BPTF: variants seen among roughly 807,000 people sequenced by gnomAD.
BPTF encodes nucleosome-remodeling factor subunit BPTF.
BPTF carries 18 observed loss-of-function variants against 292.5 expected under a neutral mutation model. The observed-to-expected ratio is 0.06, with a 90% confidence interval of 0.04 to 0.09. BPTF has a LOEUF of 0.09. BPTF is among the 10% of genes least tolerant of loss of function. The pLI is 1.00. For missense variants in BPTF, 2,726 were observed against 3,498.7 expected (o/e 0.78, Z 5.57); for synonymous variants, 1,225 against 1,251.9 (o/e 0.98, Z 0.45).
In BPTF at chr17:67,919,644, T is replaced by C. The variant is rs188757974; in HGVS notation, c.5429-371T>C. ...TTCAGATTATAAAGTGAGTCACTTATGTGTGAACCAGTCTACATTTTTTAA... is the reference window on the plus strand; with the variant it reads ...TTCAGATTATAAAGTGAGTCACTTACGTGTGAACCAGTCTACATTTTTTAA... On this transcript the variant is annotated intron_variant, in intron 12 of 27. Coordinates refer to ENST00000306378, the MANE Select transcript of BPTF (RefSeq NM_182641.4). 1.4e-3 allele frequency among the ~76,000 whole-genome samples: 218 copies of C among 152,340 alleles called. 1 individual carries two copies. The highest frequency in any genetic ancestry group is 2.0e-3 in the Non-Finnish European group (136 of 68,024).
rs2061136160 is a variant in BPTF, at chr17:67,891,825, TGGCCTATTCATTTGAC to T, written c.1865-18_1865-3del. ...TTACTTATTGTCAGCAATTGCTTTGTGGCCTATTCATTTGACAGTAGGTGATTTCAAATCGGAGAAG... is the reference window on the plus strand; with the variant it reads ...TTACTTATTGTCAGCAATTGCTTTGTAGTAGGTGATTTCAAATCGGAGAAG... On this transcript the variant is annotated splice_region_variant and splice_polypyrimidine_tract_variant and intron_variant, in intron 4 of 27. Coordinates refer to ENST00000306378, the MANE Select transcript of BPTF (RefSeq NM_182641.4). 2 of 1,542,896 alleles carry T rather than the reference TGGCCTATTCATTTGAC, an allele frequency of 1.3e-6. No individual in the cohort carries two copies.
In BPTF at chr17:67,826,303, C is replaced by T; in HGVS notation, c.579C>T (p.Ser193=). 1.2e-6 allele frequency: 2 copies of T among 1,612,546 alleles called. No homozygotes were observed. The highest frequency in any genetic ancestry group is 1.3e-5 in the African/African-American group (1 of 74,954). Residue 193 remains serine, a synonymous_variant, in exon 1 of 28, where the codon AGC becomes AGT. Transcript: ENST00000306378. ...ACGCCAGTTACTGCACGGAAAGCAG[C>T]TTCAGGAGCCATAGTACCTACAGCA... ...DDDASYCTES[S]FRSHSTYSST...
intron 2 of BPTF, among the ~76,000 whole-genome samples, chr17:67,864,432 G>T (rs2059271637): frequency 6.6e-6 from 1 of 150,860 alleles, no homozygotes; most frequent in Non-Finnish European, 1.5e-5. Context: ...AGAGGCTGAG[G>T]CATGAGAAGT....
intron 1 of BPTF, among the ~76,000 whole-genome samples, chr17:67,848,527 G>A (rs1467479287): frequency 6.6e-6 from 1 of 152,056 alleles, no homozygotes; most frequent in African/African-American, 2.4e-5. Flanking sequence ...AAACTGTCTA[G>A]GGTTTCTCAG....
At chr17:67,896,014 A>G (rs1378470240) in intron 7 of BPTF, among the ~76,000 whole-genome samples, 6 of 144,092 alleles carry the variant, frequency 4.2e-5, no homozygotes, top group Admixed American at 7.3e-5. Flanking sequence ...CCCAGGCTGG[A>G]GTGCAGTGGC....
chr17:67,875,599 T>C (rs2060003554), intron 4 of BPTF: 2 of 1,584,508 alleles, frequency 1.3e-6, no homozygotes, highest in African/African-American at 1.4e-5. Context: ...TGTCAGCAAA[T>C]CTTGGCGACA....
chr17:67,934,490 G>T (rs527616947), intron 18 of BPTF, among the ~76,000 whole-genome samples: 1 of 151,274 alleles, frequency 6.6e-6, no homozygotes, highest in Admixed American at 6.6e-5. Flanking sequence ...CTGCACTGCA[G>T]CCTGGGCAAC....
chr17:67,941,100 A>C (rs1409671509), intron 19 of BPTF, among the ~76,000 whole-genome samples: 1 of 152,278 alleles, frequency 6.6e-6, no homozygotes, highest in African/African-American at 2.4e-5. Flanking sequence ...AGTATTAAGA[A>C]TATCTGTACC....
In BPTF at chr17:67,939,002, A is replaced by ATATCAAGG. The variant is rs1207524378; in HGVS notation, c.6260-1435_6260-1428dup. On this transcript the variant is annotated intron_variant, in intron 18 of 27. Coordinates refer to ENST00000306378, the MANE Select transcript of BPTF (RefSeq NM_182641.4). ...GCCTGAATATTTTACTTTACTGGTGATATCAAGGTTTGGCAGGGTTCAGTG... is the reference window on the plus strand; with the variant it reads ...GCCTGAATATTTTACTTTACTGGTGATATCAAGGTATCAAGGTTTGGCAGGGTTCAGTG... Among the ~76,000 whole-genome samples, 19 of 152,304 alleles carry ATATCAAGG rather than the reference A, an allele frequency of 1.2e-4. No homozygotes were observed. The Middle Eastern group carries it at 0.01, about 82-fold the overall frequency.
chr17:67,943,332 T>A (rs1432266596), intron 19 of BPTF, among the ~76,000 whole-genome samples: 7 of 152,214 alleles, frequency 4.6e-5, no homozygotes, highest in Admixed American at 2.0e-4. Flanking sequence ...ACATGGACTT[T>A]GCGCCATCAG....
rs1354135348 is a variant in BPTF, at chr17:67,946,431, T to C, written c.7617+106T>C. ...AGGTTTCCTAAATGAGACAAAGTCA[T>C]TAATGTTTAAATTTAGAAGAAACAC... is the stretch of plus-strand genomic sequence containing the variant. On this transcript the variant is annotated intron_variant, in intron 21 of 27. Coordinates refer to ENST00000306378, the MANE Select transcript of BPTF (RefSeq NM_182641.4). The C allele has an allele frequency of 5.5e-6, 8 of 1,466,936 alleles. No homozygotes were observed. In the Admixed American group the frequency reaches 1.2e-4, roughly 22 times the overall value. The allele number at this position is 1,466,936 out of a possible 1,614,324, so 90.9% of individuals were successfully genotyped here. A position where few individuals can be genotyped will look rare whatever the true frequency, so the allele number is the denominator to read the frequency against.
chr17:67,965,971 G>C (rs1482586246), intron 25 of BPTF: 1 of 152,358 alleles, frequency 6.6e-6, no homozygotes, highest in Non-Finnish European at 1.5e-5. Context: ...TGAGGTGAGA[G>C]GATCACTTGA....
At chr17:67,915,094 G>T (rs2062894870) in intron 11 of BPTF, among the ~76,000 whole-genome samples, 1 of 152,142 alleles carries the variant, frequency 6.6e-6, no homozygotes, top group East Asian at 1.9e-4. Flanking sequence ...TGATGGTTAG[G>T]AGTTAAGAAT....
At chr17:67,900,914 CT>C (rs1333998912) in intron 7 of BPTF, among the ~76,000 whole-genome samples, 4 of 150,128 alleles carry the variant, frequency 2.7e-5, no homozygotes, top group Non-Finnish European at 5.9e-5. Flanking sequence ...GAGACTGAGC[CT>C]AGAAGTTGGA....
At chr17:67,844,380 TG>T (rs1170604490) in intron 1 of BPTF, among the ~76,000 whole-genome samples, 2 of 151,672 alleles carry the variant, frequency 1.3e-5, no homozygotes, top group African/African-American at 2.4e-5. Flanking sequence ...CCCGAGTAGC[TG>T]GGACTACAGG....
chr17:67,897,845 A>T (rs1353722869), intron 7 of BPTF, among the ~76,000 whole-genome samples: 3 of 152,200 alleles, frequency 2.0e-5, no homozygotes, highest in Non-Finnish European at 4.4e-5. Context: ...TGAAACTGTT[A>T]GGAAACTTGA....
At chr17:67,962,644 CATT>C (rs1555684699) in intron 24 of BPTF, among the ~76,000 whole-genome samples, 2 of 152,244 alleles carry the variant, frequency 1.3e-5, no homozygotes, top group African/African-American at 4.8e-5. Flanking sequence ...TTGTCACAAA[CATT>C]ATATTAACAG....
At chr17:67,869,382 GT>G (rs1252563761) in intron 3 of BPTF, among the ~76,000 whole-genome samples, 57 of 152,152 alleles carry the variant, frequency 3.7e-4, no homozygotes, top group Non-Finnish European at 8.1e-4. Context: ...CAAGTGTTAA[GT>G]GTTGTGATTT....
At position 67,959,666 on chromosome 17, in the gene BPTF, A is replaced by AGCC. The variant is rs1555682826; in HGVS notation, c.8052_8053insGCC (p.Pro2684_Pro2685insAla). The AGCC allele has an allele frequency of 2.0e-5, 30 of 1,534,094 alleles. No homozygotes were observed. The highest frequency in any genetic ancestry group is 3.4e-4 in the Middle Eastern group (2 of 5,800). ...CTCCTCCAGCCCCTCCAGCCCCTCC[A>AGCC]CCTTCACCTCCCCCTCCACCTGCTG... On this transcript the variant is annotated inframe_insertion, in exon 24 of 28. Coordinates refer to ENST00000306378, the MANE Select transcript of BPTF (RefSeq NM_182641.4).
Sources: gnomAD v4.1 joint callset for allele counts (sites outside exome capture counted in the v4.1 genomes callset) on GRCh38, gnomAD v4.1.1 for gene constraint, MANE v1.5 for transcripts, NCBI Gene and HGNC (gene_info 2026-07-23, HGNC 2026-07-21) for gene names.